The following IL1RAPL1 variants were observed in gnomAD, a reference collection of about 807,000 sequenced individuals.
The protein encoded by IL1RAPL1 is interleukin 1 receptor accessory protein like 1.
A neutral mutation model predicts 48.4 loss-of-function variants in IL1RAPL1; 3 were observed. That is an observed-to-expected ratio of 0.06 (90% CI 0.03 to 0.16). IL1RAPL1 has a LOEUF of 0.16. IL1RAPL1 is among the 10% of genes least tolerant of loss of function. IL1RAPL1 has a pLI of 1.00. For missense variants in IL1RAPL1, 349 were observed against 530.6 expected (o/e 0.66, Z 3.36); for synonymous variants, 185 against 187.7 (o/e 0.99, Z 0.12).
chrX:29,203,961 T>C (rs1045863392), intron 2 of IL1RAPL1, among the ~76,000 whole-genome samples: 6 of 109,602 alleles, frequency 5.5e-5, no homozygotes, highest in South Asian at 3.9e-4. Context: ...AAATTGTTTG[T>C]CATTTTGCAT....
chrX:28,838,217 A>G (rs1601925395), intron 2 of IL1RAPL1, among the ~76,000 whole-genome samples: 1 of 111,336 alleles, frequency 9.0e-6, no homozygotes, highest in South Asian at 3.7e-4. Context: ...TAAACCCCTC[A>G]TTTGAGAGTT....
chrX:28,723,242 A>G (rs1569158595), intron 1 of IL1RAPL1, among the ~76,000 whole-genome samples: 1 of 110,762 alleles, frequency 9.0e-6, no homozygotes, highest in Non-Finnish European at 1.9e-5. Flanking sequence ...TTTGATTGGT[A>G]GGCTATTAAT....
intron 2 of IL1RAPL1, among the ~76,000 whole-genome samples, chrX:29,261,022 A>G (rs1345908646): frequency 2.8e-5 from 3 of 108,497 alleles, no homozygotes. Flanking sequence ...TAAATATAGT[A>G]TAACTGAATA....
At chrX:29,707,297 G>A (rs1484526920) in intron 6 of IL1RAPL1, among the ~76,000 whole-genome samples, 1 of 111,536 alleles carries the variant, frequency 9.0e-6, no homozygotes, top group African/African-American at 3.3e-5. Context: ...AATAGTTGTT[G>A]GCATTGATAT....
intron 5 of IL1RAPL1, among the ~76,000 whole-genome samples, chrX:29,502,102 T>A (rs1386254123): frequency 9.0e-6 from 1 of 111,477 alleles, no homozygotes; most frequent in Non-Finnish European, 1.9e-5. Flanking sequence ...AAATGAGATT[T>A]CTTTCTTGAT....
chrX:29,161,473 G>T (rs1022080196), intron 2 of IL1RAPL1, among the ~76,000 whole-genome samples: 1 of 112,158 alleles, frequency 8.9e-6, no homozygotes, highest in Non-Finnish European at 1.9e-5. Flanking sequence ...TCCTACTGCT[G>T]AGTTGAAATA....
chrX:28,917,806 A>G (rs759222138), intron 2 of IL1RAPL1, among the ~76,000 whole-genome samples: 2 of 112,479 alleles, frequency 1.8e-5, no homozygotes, highest in Non-Finnish European at 3.8e-5. Context: ...TTAAGTGTAC[A>G]GTTCTGTGGC....
intron 2 of IL1RAPL1, among the ~76,000 whole-genome samples, chrX:28,930,080 A>C (rs1165374967): frequency 9.0e-6 from 1 of 111,703 alleles, no homozygotes; most frequent in African/African-American, 3.3e-5. Flanking sequence ...CCATCTTGCT[A>C]GTTATTTTCC....
intron 3 of IL1RAPL1, among the ~76,000 whole-genome samples, chrX:29,384,786 A>G (rs10126257): frequency 0.044 from 4,869 of 111,676 alleles, 271 homozygotes; most frequent in African/African-American, 0.15. Flanking sequence ...ACTTTTTAAG[A>G]TTTCAAAAAG....
chrX:29,608,617 G>A (rs1215317551), intron 5 of IL1RAPL1, among the ~76,000 whole-genome samples: 2 of 109,993 alleles, frequency 1.8e-5, no homozygotes, highest in Non-Finnish European at 3.8e-5. Flanking sequence ...ACGAGGTCAG[G>A]AGATCGAGAC....
At chrX:28,953,937 T>C (rs181001245) in intron 2 of IL1RAPL1, among the ~76,000 whole-genome samples, 2 of 111,591 alleles carry the variant, frequency 1.8e-5, no homozygotes, top group African/African-American at 3.2e-5. Context: ...TGAAAGTGAC[T>C]CATGAATCAT....
intron 3 of IL1RAPL1, among the ~76,000 whole-genome samples, chrX:29,393,016 C>G (rs1010255651): frequency 8.9e-6 from 1 of 111,981 alleles, no homozygotes; most frequent in Non-Finnish European, 1.9e-5. Context: ...GTTCTAAGCT[C>G]TTTATGAGTT....
At chrX:29,906,656 C>T (rs1932639244) in intron 6 of IL1RAPL1, among the ~76,000 whole-genome samples, 1 of 105,503 alleles carries the variant, frequency 9.5e-6, no homozygotes, top group African/African-American at 3.4e-5. Flanking sequence ...CCTCCCTGTC[C>T]TTGCTTCCTG....
chrX:29,309,560 C>T (rs1932676182), intron 3 of IL1RAPL1, among the ~76,000 whole-genome samples: 2 of 112,339 alleles, frequency 1.8e-5, no homozygotes, highest in African/African-American at 6.5e-5. Flanking sequence ...CGCCTGTAAT[C>T]CCAGCACTTT....
At chrX:29,946,987 T>A (rs1196621165) in intron 9 of IL1RAPL1, among the ~76,000 whole-genome samples, 1 of 112,209 alleles carries the variant, frequency 8.9e-6, no homozygotes, top group Non-Finnish European at 1.9e-5. Flanking sequence ...GCAATGAAAC[T>A]TGATTTCTAA....
At chrX:29,479,034 T>C (rs1215935118) in intron 5 of IL1RAPL1, among the ~76,000 whole-genome samples, 2 of 110,913 alleles carry the variant, frequency 1.8e-5, no homozygotes, top group African/African-American at 6.6e-5. Context: ...CAGAAGTTTT[T>C]TTTTTTCTTT....
chrX:29,217,562 A>G (rs924581773), intron 2 of IL1RAPL1, among the ~76,000 whole-genome samples: 15 of 111,570 alleles, frequency 1.3e-4, no homozygotes, highest in African/African-American at 4.9e-4. Context: ...CACCTTGTGC[A>G]TTGCCAGGTA....
chrX:29,203,046 A>G (rs909673098), intron 2 of IL1RAPL1, among the ~76,000 whole-genome samples: 1 of 111,939 alleles, frequency 8.9e-6, no homozygotes, highest in Non-Finnish European at 1.9e-5. Context: ...ACAGACTACT[A>G]CAACAGGGGA....
At chrX:29,783,431 A>C (rs1929409994) in intron 6 of IL1RAPL1, among the ~76,000 whole-genome samples, 1 of 111,166 alleles carries the variant, frequency 9.0e-6, no homozygotes, top group Admixed American at 9.6e-5. Context: ...TAAGAACGAA[A>C]GTGATTGGCA....
Sources: allele counts gnomAD v4.1 joint callset (sites outside exome capture counted in the v4.1 genomes callset), GRCh38; gene constraint gnomAD v4.1.1; transcripts MANE v1.5; gene names NCBI Gene and HGNC (gene_info 2026-07-23, HGNC 2026-07-21).